Variants in NETO1 observed in about 807,000 individuals in gnomAD.
NETO1 encodes the protein neuropilin and tolloid like 1, also known as neuropilin and tolloid-like protein 1.
In NETO1, 26 loss-of-function variants were observed where a neutral mutation model predicts 61.3. The observed-to-expected ratio is 0.42, with a 90% CI of 0.31 to 0.59. The LOEUF is 0.59. NETO1 is among the 20% of genes least tolerant of loss of function. The pLI is 0.12. For synonymous variants in NETO1, 225 were observed against 225.8 expected (o/e 1.00, Z 0.03); for missense variants, 531 against 662.8 (o/e 0.80, Z 2.18).
rs1189301030 is a variant in NETO1, at chr18:72,745,655, T to C, written c.*2524A>G. ...AAGGCTGCATTCAGGTGATAAGGTCTGATATAGCTACTAAATCGTTTTTGA... is the reference window on the plus strand; with the variant it reads ...AAGGCTGCATTCAGGTGATAAGGTCCGATATAGCTACTAAATCGTTTTTGA... On this transcript the variant is annotated 3_prime_UTR_variant, in exon 11 of 11. Coordinates refer to ENST00000327305, the MANE Select transcript of NETO1 (RefSeq NM_138966.5). 2 of 152,242 alleles carry C rather than the reference T, an allele frequency of 1.3e-5. No individual in the cohort carries two copies. Among genetic ancestry groups the C allele is most frequent in the African/African-American group, 2.4e-5 (1 of 41,472 alleles). 9.4% of individuals were successfully genotyped at this position (152,242 alleles called of 1,614,324 possible). A position where few individuals can be genotyped will look rare whatever the true frequency, so the allele number is the denominator to read the frequency against.
At chr18:72,848,946 A>C (rs765714367) in intron 4 of NETO1, among the ~76,000 whole-genome samples, 5 of 152,192 alleles carry the variant, frequency 3.3e-5, no homozygotes, top group African/African-American at 4.8e-5. Flanking sequence ...CCATTAGCCA[A>C]AGATTTTCTT....
chr18:72,796,757 C>T (rs2072327741), intron 4 of NETO1, among the ~76,000 whole-genome samples: 1 of 151,876 alleles, frequency 6.6e-6, no homozygotes, highest in Non-Finnish European at 1.5e-5. Context: ...AGCCACCGCG[C>T]CCGGCCGAAA....
intron 4 of NETO1, among the ~76,000 whole-genome samples, chr18:72,849,652 ATCAAG>A (rs1438538257): frequency 6.6e-6 from 1 of 152,250 alleles, no homozygotes; most frequent in Admixed American, 6.5e-5. Flanking sequence ...AGGAAATAAA[ATCAAG>A]TATTTGTTTC....
At position 72,755,153 on chromosome 18, in the gene NETO1, C is replaced by T. The variant is rs190888589; in HGVS notation, c.982+881G>A. ...AGGGCAAAACAAAGCCAGTGGTGACCACGAATTATTAACAGGTCTGCAATA... is the reference window on the plus strand; with the variant it reads ...AGGGCAAAACAAAGCCAGTGGTGACTACGAATTATTAACAGGTCTGCAATA... On this transcript the variant is annotated intron_variant, in intron 8 of 10. Transcript: ENST00000327305. Among the ~76,000 whole-genome samples the T allele has an allele frequency of 9.1e-3, 1,383 of 152,216 alleles. 16 individuals carry two copies. The highest frequency in any genetic ancestry group is 0.031 in the African/African-American group (1,302 of 41,546).
chr18:72,778,333 T>C (rs561288869), intron 7 of NETO1, among the ~76,000 whole-genome samples: 1 of 152,246 alleles, frequency 6.6e-6, no homozygotes, highest in Admixed American at 6.5e-5. Context: ...GGTGTTTTCT[T>C]GTAAGCATGT....
chr18:72,749,852 ACACACATACATAT>A (rs1203068956), intron 9 of NETO1, among the ~76,000 whole-genome samples, 197 bp downstream of exon 9: 2 of 152,232 alleles, frequency 1.3e-5, no homozygotes, highest in Non-Finnish European at 2.9e-5. Context: ...ATGTGTGTTC[ACACACATACATAT>A]CGTGCACATG....
chr18:72,765,711 C>T (rs904261532), intron 7 of NETO1, among the ~76,000 whole-genome samples: 1 of 152,082 alleles, frequency 6.6e-6, no homozygotes, highest in Non-Finnish European at 1.5e-5. Flanking sequence ...GCCACAGTGC[C>T]AGGCCAGAAT....
intron 4 of NETO1, among the ~76,000 whole-genome samples, chr18:72,844,972 T>C (rs1159655214): frequency 6.6e-5 from 10 of 152,200 alleles, no homozygotes; most frequent in Admixed American, 5.2e-4. Flanking sequence ...TGTTACCCAC[T>C]TCTCCTCCAG....
At chr18:72,802,673 G>A (rs1044845828) in intron 4 of NETO1, among the ~76,000 whole-genome samples, 3 of 152,202 alleles carry the variant, frequency 2.0e-5, no homozygotes, top group African/African-American at 4.8e-5. Flanking sequence ...ATTGACATTT[G>A]CATTGATGGT....
intron 4 of NETO1, among the ~76,000 whole-genome samples, chr18:72,848,665 C>CT (rs1208598360): frequency 2.6e-5 from 4 of 152,160 alleles, no homozygotes; most frequent in Non-Finnish European, 5.9e-5. Flanking sequence ...AGACTGTACT[C>CT]TGTCATTTGA....
At chr18:72,812,439 G>A (rs983749847) in intron 4 of NETO1, among the ~76,000 whole-genome samples, 2 of 152,070 alleles carry the variant, frequency 1.3e-5, no homozygotes, top group Admixed American at 6.5e-5. Context: ...TGTGATTTTC[G>A]CCAACGTCAT....
At chr18:72,763,297 T>C (rs556499962) in intron 7 of NETO1, among the ~76,000 whole-genome samples, 22 of 152,180 alleles carry the variant, frequency 1.4e-4, no homozygotes, top group Non-Finnish European at 2.9e-4. Context: ...TAAGTCATCA[T>C]ATTACATCAC....
chr18:72,831,818 G>T (rs1293035056), intron 4 of NETO1, among the ~76,000 whole-genome samples: 1 of 152,130 alleles, frequency 6.6e-6, no homozygotes, highest in Non-Finnish European at 1.5e-5. Context: ...CAATTTTTGT[G>T]GTGGAAAAGC....
At chr18:72,761,533 G>T (rs1202428064) in intron 7 of NETO1, among the ~76,000 whole-genome samples, 1 of 152,102 alleles carries the variant, frequency 6.6e-6, no homozygotes, top group Non-Finnish European at 1.5e-5. Flanking sequence ...CAATTGTTAA[G>T]AGAGACATTC....
intron 4 of NETO1, among the ~76,000 whole-genome samples, chr18:72,836,431 A>C (rs372480261): frequency 1.1e-4 from 17 of 152,328 alleles, no homozygotes; most frequent in East Asian, 9.6e-4. Flanking sequence ...TGATTTAAAT[A>C]TGTGACTTAA....
chr18:72,786,094 G>C (rs1376049341), intron 6 of NETO1, among the ~76,000 whole-genome samples: 1 of 152,096 alleles, frequency 6.6e-6, no homozygotes, highest in Non-Finnish European at 1.5e-5. Context: ...TGATTAACTG[G>C]AAGTTTCATT....
chr18:72,749,181 G>A, intron 9 of NETO1, 93 bp from the exon 10 acceptor site: 1 of 793,532 alleles, frequency 1.3e-6, no homozygotes, highest in Non-Finnish European at 2.2e-6. Flanking sequence ...TTAAAATTCA[G>A]AAAACTGTGG....
rs1337784432 is a variant in NETO1, at chr18:72,747,172, G to A, written c.*1007C>T. On this transcript the variant is annotated 3_prime_UTR_variant, in exon 11 of 11. Coordinates refer to ENST00000327305, the MANE Select transcript of NETO1 (RefSeq NM_138966.5). ...GTTGACATAAAATGTGTATTTATGT[G>A]AGTCAGTTTTTTAATCACTCTAATG... is the stretch of plus-strand genomic sequence containing the variant. 2 of 151,902 alleles carry A rather than the reference G, an allele frequency of 1.3e-5. No homozygotes were observed. The highest frequency in any genetic ancestry group is 3.9e-4 in the East Asian group (2 of 5,186). 9.4% of individuals were successfully genotyped at this position (151,902 alleles called of 1,614,324 possible). A position where few individuals can be genotyped will look rare whatever the true frequency, so the allele number is the denominator to read the frequency against.
chr18:72,810,833 A>C (rs902369337), intron 4 of NETO1, among the ~76,000 whole-genome samples: 1 of 152,114 alleles, frequency 6.6e-6, no homozygotes, highest in South Asian at 2.1e-4. Context: ...AATCAATATC[A>C]TATTTTTTAG....
Sources: allele counts gnomAD v4.1 joint callset (sites outside exome capture counted in the v4.1 genomes callset), GRCh38; gene constraint gnomAD v4.1.1; transcripts MANE v1.5; gene names NCBI Gene and HGNC (gene_info 2026-07-23, HGNC 2026-07-21).